The following ZNF319 variants were observed in gnomAD, a reference collection of about 807,000 sequenced individuals.
The protein encoded by ZNF319 is zinc finger protein 319.
ZNF319 carries 15 observed loss-of-function variants against 46.0 expected under a neutral mutation model. That is an observed-to-expected ratio of 0.33 (90% CI 0.22 to 0.50). The LOEUF (loss-of-function observed/expected upper bound fraction) is 0.50, where lower values mean the gene tolerates loss of function less well. Ranked by LOEUF, ZNF319 falls within the 20% of genes least tolerant of loss-of-function variation. The probability of loss-of-function intolerance (pLI) is 0.98; values close to 1 mark genes in which losing one functional copy is unlikely to be tolerated. For synonymous variants in ZNF319, 368 were observed against 364.0 expected, an observed-to-expected ratio of 1.01 and a Z score of -0.13; for missense variants, 635 against 807.0, an observed-to-expected ratio of 0.79 and a Z score of 2.58.
In ZNF319 at chr16:57,995,506, G is replaced by A. The variant is rs1962994899; in HGVS notation, c.*1011C>T. 1 of 152,858 alleles carries A rather than the reference G, an allele frequency of 6.5e-6. No individual in the cohort carries two copies. The highest frequency in any genetic ancestry group is 2.4e-5 in the African/African-American group (1 of 41,460). The allele number at this position is 152,858 out of a possible 1,614,324, so 9.5% of individuals were successfully genotyped here. On this transcript the variant is annotated 3_prime_UTR_variant, in exon 2 of 2. Coordinates refer to ENST00000299237, the MANE Select transcript of ZNF319 (RefSeq NM_020807.3). ...GGGTCCCCACCCTGGCCTAGTCTTGGCTCTGAAGCAGGACTGGGTTGAGCT... is the reference window on the plus strand; with the variant it reads ...GGGTCCCCACCCTGGCCTAGTCTTGACTCTGAAGCAGGACTGGGTTGAGCT...
chr16:57,997,673 G>T lies in ZNF319; in HGVS notation c.593C>A (p.Ala198Asp). ...APSTVTPAEQ[A>D]DKPYSCPICQ... Reference sequence around the variant, plus strand: ...GATGGGGCAGCTGTAGGGCTTGTCGGCCTGTTCAGCAGGGGTGACAGTGGA... The same window carrying T: ...GATGGGGCAGCTGTAGGGCTTGTCGTCCTGTTCAGCAGGGGTGACAGTGGA... The change falls in exon 2 of 2, where the codon GCC becomes GAC. Residue 198 changes from alanine (A) to aspartate (D), a missense_variant. Around this residue, in one of 3 missense-constraint regions of ZNF319, gnomAD observed 227 missense variants for 277.5 expected, o/e 0.82. Coordinates refer to ENST00000299237, the MANE Select transcript of ZNF319 (RefSeq NM_020807.3). The T allele has an allele frequency of 6.2e-7, 1 of 1,613,930 alleles. No homozygotes were observed.
rs751213346 is a variant in ZNF319 at position 57,997,062 on chromosome 16, G to A, written c.1204C>T (p.Pro402Ser). ...TGGTCAAAGCCTTTCTGGCACACGG[G>A]GCACTTGAAGAGAGTCTCGAGGGTG... ...VHTLETLFKC[P>S]VCQKGFDQSA... The change falls in exon 2 of 2, where the codon CCC (proline) becomes TCC (serine). Residue 402 changes from proline to serine, a missense_variant. Physicochemically the swap from Pro to Ser is moderately conservative, Grantham distance 74. Transcript: ENST00000299237. 1.9e-6 allele frequency: 3 copies of A among 1,613,468 alleles called. No homozygotes were observed. The highest frequency in any genetic ancestry group is 2.5e-6 in the Non-Finnish European group (3 of 1,179,910).
chr16:57,997,814 T>C lies in ZNF319; in HGVS notation c.452A>G (p.His151Arg), dbSNP rs2142281580. 1 of 1,612,758 alleles carries C rather than the reference T, an allele frequency of 6.2e-7. No individual in the cohort carries two copies. The highest frequency in any genetic ancestry group is 8.5e-7 in the Non-Finnish European group (1 of 1,180,036). Residue 151 changes from histidine to arginine, a missense_variant, in exon 2 of 2, where the codon CAC becomes CGC. Transcript: ENST00000299237. Reference protein sequence around the residue: ...FSLLTSLAQHHSSHSGLVKCS... With the variant: ...FSLLTSLAQHRSSHSGLVKCS... ...CTTCACCAGGCCACTGTGGGAGCTG[T>C]GGTGCTGTGCCAGTGAGGTGAGTAG...
At position 57,997,390 on chromosome 16, in the gene ZNF319, G is replaced by A. The variant is rs1284369223; in HGVS notation, c.876C>T (p.Cys292=). The change falls in exon 2 of 2, where the codon TGC becomes TGT. Residue 292 remains cysteine, a synonymous_variant. Transcript: ENST00000299237. ...GEHHLFRCNV[C]ELHFKESSEL... ...CCGACGACTCCTTGAAATGCAACTC[G>A]CACACGTTGCAGCGGAACAGGTGGT... The A allele has an allele frequency of 1.2e-6, 2 of 1,611,972 alleles. No homozygotes were observed. The highest frequency in any genetic ancestry group is 2.2e-5 in the South Asian group (2 of 91,054).
chr16:57,997,052 T>A lies in ZNF319; in HGVS notation c.1214A>T (p.Gln405Leu). ...CTCGGCAGATTGGTCAAAGCCTTTC[T>A]GGCACACGGGGCACTTGAAGAGAGT... The part of the protein sequence containing the change: ...LETLFKCPVC[Q>L]KGFDQSAELL... The change falls in exon 2 of 2, where the codon CAG (glutamine) becomes CTG (leucine). Residue 405 changes from glutamine (Q) to leucine (L), a missense_variant. By Grantham distance (113) the Gln-to-Leu change is moderately radical (BLOSUM62 -2). Around this residue, in one of 3 missense-constraint regions of ZNF319, gnomAD observed 270 missense variants for 281.4 expected, o/e 0.96. Transcript: ENST00000299237. The A allele has an allele frequency of 1.9e-6, 3 of 1,612,912 alleles. No individual in the cohort carries two copies. Among genetic ancestry groups the A allele is most frequent in the Non-Finnish European group, 2.5e-6 (3 of 1,179,824 alleles).
At position 57,996,897 on chromosome 16, in the gene ZNF319, G is replaced by C; in HGVS notation, c.1369C>G (p.Pro457Ala). ...QLAHCAAAEKPLRCTLCERRF... is the reference protein window; with the variant it reads ...QLAHCAAAEKALRCTLCERRF... ...CGTTCGCAAAGCGTGCAGCGCAGGG[G>C]CTTCTCTGCCGCCGCACAGTGGGCC... The change falls in exon 2 of 2, where the codon CCC becomes GCC. Residue 457 changes from proline (P) to alanine (A), a missense_variant. By Grantham distance (27) the Pro-to-Ala change is conservative. Coordinates refer to ENST00000299237, the MANE Select transcript of ZNF319 (RefSeq NM_020807.3). 1 of 1,601,948 alleles carries C rather than the reference G, an allele frequency of 6.2e-7. No individual in the cohort carries two copies. Among genetic ancestry groups the C allele is most frequent in the Non-Finnish European group, 8.5e-7 (1 of 1,178,940 alleles).
In ZNF319 at chr16:57,997,604, T is replaced by C. The variant is rs1467937833; in HGVS notation, c.662A>G (p.Glu221Gly). ...FKHLSELSRH[E>G]RIHTGEKPYK... is the part of the protein sequence containing the mutation. ...GGGCTTCTCACCGGTGTGGATCCGCTCATGCCGAGAGAGCTCCGACAGGTG... is the reference window on the plus strand; with the variant it reads ...GGGCTTCTCACCGGTGTGGATCCGCCCATGCCGAGAGAGCTCCGACAGGTG... The change falls in exon 2 of 2, where the codon GAG becomes GGG. Residue 221 changes from glutamate (E) to glycine (G), a missense_variant. Around this residue, in one of 3 missense-constraint regions of ZNF319, gnomAD observed 138 missense variants for 248.0 expected, o/e 0.56. Coordinates refer to ENST00000299237, the MANE Select transcript of ZNF319 (RefSeq NM_020807.3). 6.2e-7 allele frequency: 1 copy of C among 1,614,022 alleles called. No individual in the cohort carries two copies. Among genetic ancestry groups the C allele is most frequent in the South Asian group, 1.1e-5 (1 of 91,078 alleles).
chr16:57,998,071 G>A lies in ZNF319; in HGVS notation c.195C>T (p.His65=), dbSNP rs371023209. 6.2e-5 allele frequency: 99 copies of A among 1,609,164 alleles called. No individual in the cohort carries two copies. Among genetic ancestry groups the A allele is most frequent in the East Asian group, 3.6e-4 (16 of 44,874 alleles). The change falls in exon 2 of 2, where the codon CAC becomes CAT. Residue 65 remains histidine, a synonymous_variant. Transcript: ENST00000299237. ...GCTCTCCTGCTGCCTGCAGGGGTGC[G>A]TGTTGTGGGGGCTGCAGGCCGGGGT... ...QPDPGLQPPQ[H]APLQAAGEPG...
chr16:57,996,939 G>A lies in ZNF319; in HGVS notation c.1327C>T (p.Leu443=), dbSNP rs1394794330. ...CAGTGGGCCAGCTGGTGCTTCTGCA[G>A]GGCCGACGCGCGCTTGTAGGCCTTG... The part of the protein sequence containing the change: ...CNKAYKRASA[L]QKHQLAHCAA... Residue 443 remains leucine (L), a synonymous_variant, in exon 2 of 2, where the codon CTG becomes TTG. Coordinates refer to ENST00000299237, the MANE Select transcript of ZNF319 (RefSeq NM_020807.3). The A allele has an allele frequency of 4.4e-6, 7 of 1,601,382 alleles. No individual in the cohort carries two copies. In the South Asian group the frequency reaches 4.4e-5, roughly 10 times the overall value.
Position 57,996,313 on chromosome 16 carries a change from C to T in ZNF319, c.*204G>A. On this transcript the variant is annotated 3_prime_UTR_variant, in exon 2 of 2. Coordinates refer to ENST00000299237, the MANE Select transcript of ZNF319 (RefSeq NM_020807.3). ...AGGATGGGCCACAGCAATCTGGCCGCCCGCACTGCCCGCTGGTGCCAGGAG... is the reference window on the plus strand; with the variant it reads ...AGGATGGGCCACAGCAATCTGGCCGTCCGCACTGCCCGCTGGTGCCAGGAG... The T allele has an allele frequency of 1.9e-6, 2 of 1,071,336 alleles. No individual in the cohort carries two copies. The highest frequency in any genetic ancestry group is 1.3e-6 in the Non-Finnish European group (1 of 783,996). The allele number at this position is 1,071,336 out of a possible 1,614,324, so 66.4% of individuals were successfully genotyped here.
chr16:57,996,415 G>A lies in ZNF319; in HGVS notation c.*102C>T. The A allele has an allele frequency of 7.0e-7, 1 of 1,433,468 alleles. No homozygotes were observed. The highest frequency in any genetic ancestry group is 9.1e-7 in the Non-Finnish European group (1 of 1,098,234). 88.8% of individuals were successfully genotyped at this position (1,433,468 alleles called of 1,614,324 possible). On this transcript the variant is annotated 3_prime_UTR_variant, in exon 2 of 2. Coordinates refer to ENST00000299237, the MANE Select transcript of ZNF319 (RefSeq NM_020807.3). ...AGGTCTCAGAACACCGAGCTGGGTG[G>A]GGCCCTTGGTGCAAGGCAGCTGTGA...
chr16:57,997,482 C>G lies in ZNF319; in HGVS notation c.784G>C (p.Val262Leu). The G allele has an allele frequency of 6.2e-7, 1 of 1,610,552 alleles. No individual in the cohort carries two copies. The highest frequency in any genetic ancestry group is 8.5e-7 in the Non-Finnish European group (1 of 1,179,144). The change falls in exon 2 of 2, where the codon GTC (valine) becomes CTC (leucine). Residue 262 changes from valine to leucine, a missense_variant. This residue lies in a region of ZNF319 where 138 missense variants were observed against 248.0 expected (regional missense o/e 0.56). Transcript: ENST00000299237. The part of the protein sequence containing the change: ...HSSERPYKCA[V>L]CEKTFKHRSH... ...CGGTGCTTGAAGGTCTTCTCGCAGA[C>G]TGCGCACTTGTAGGGCCGCTCGGAG...
At position 58,000,098 on chromosome 16, in the gene ZNF319, T is replaced by C. The variant is rs1005134790; in HGVS notation, c.-863A>G. On this transcript the variant is annotated 5_prime_UTR_variant, in exon 1 of 2. Coordinates refer to ENST00000299237, the MANE Select transcript of ZNF319 (RefSeq NM_020807.3). The surrounding 1 kb of genome is among the most constrained non-coding windows in gnomAD (Gnocchi z 4.5). ...AGAAACCGAATGAAAGCCGATCACC[T>C]CCCGCCGGCCCTGCCTGCAGGCCCA... Among the ~76,000 whole-genome samples the C allele has an allele frequency of 2.6e-5, 4 of 151,846 alleles. No homozygotes were observed. Among genetic ancestry groups the C allele is most frequent in the African/African-American group, 9.7e-5 (4 of 41,310 alleles).
chr16:57,998,846 G>A (rs189222923), intron 1 of ZNF319, among the ~76,000 whole-genome samples: 8 of 152,192 alleles, frequency 5.3e-5, no homozygotes, highest in East Asian at 1.9e-4. Flanking sequence ...GTGAGAGTCC[G>A]GGGTTATCTG....
Position 57,996,601 on chromosome 16 carries a change from G to A in ZNF319, c.1665C>T (p.Ala555=). The A allele has an allele frequency of 6.2e-7, 1 of 1,605,934 alleles. No individual in the cohort carries two copies. The highest frequency in any genetic ancestry group is 2.2e-5 in the East Asian group (1 of 44,822). Residue 555 remains alanine, a synonymous_variant, in exon 2 of 2, where the codon GCC becomes GCT. Transcript: ENST00000299237. Reference sequence around the variant, plus strand: ...GCTGCGCGCTGTGCTCCTGCAACAAGGCCACGTCTAGGAAGCGCTCCCCGC... The same window carrying A: ...GCTGCGCGCTGTGCTCCTGCAACAAAGCCACGTCTAGGAAGCGCTCCCCGC... ...VWCGERFLDV[A]LLQEHSAQHS... is the part of the protein sequence containing the mutation.
Position 57,997,517 on chromosome 16 carries a change from C to T in ZNF319, c.749G>A (p.Arg250His), listed in dbSNP as rs769724117. The T allele has an allele frequency of 6.8e-6, 11 of 1,613,642 alleles. No individual in the cohort carries two copies. The highest frequency in any genetic ancestry group is 3.3e-5 in the South Asian group (3 of 91,092). ...GTAGGGCCGCTCGGAGCTGTGCGTGCGCTTGTGGTGCACCAGGTGCGACGA... is the reference window on the plus strand; with the variant it reads ...GTAGGGCCGCTCGGAGCTGTGCGTGTGCTTGTGGTGCACCAGGTGCGACGA... ...SQSSHLVHHK[R>H]THSSERPYKC... The change falls in exon 2 of 2, where the codon CGC becomes CAC. Residue 250 changes from arginine to histidine, a missense_variant. By Grantham distance (29) the Arg-to-His change is conservative. Coordinates refer to ENST00000299237, the MANE Select transcript of ZNF319 (RefSeq NM_020807.3).
rs1017554696 is a variant in ZNF319, at chr16:57,996,261, T to C, written c.*256A>G. On this transcript the variant is annotated 3_prime_UTR_variant, in exon 2 of 2. Coordinates refer to ENST00000299237, the MANE Select transcript of ZNF319 (RefSeq NM_020807.3). ...TGATGGCTCTCAAGAAAGTGAATCTTGTCATGGGAAAGAGGTTTGTGGAAT... is the reference window on the plus strand; with the variant it reads ...TGATGGCTCTCAAGAAAGTGAATCTCGTCATGGGAAAGAGGTTTGTGGAAT... The C allele has an allele frequency of 1.8e-6, 1 of 562,002 alleles. No individual in the cohort carries two copies. Among genetic ancestry groups the C allele is most frequent in the South Asian group, 4.2e-5 (1 of 23,902 alleles). The allele number at this position is 562,002 out of a possible 1,614,324, so 34.8% of individuals were successfully genotyped here.
intron 1 of ZNF319, 24 bp from the exon 2 acceptor site, chr16:57,998,546 A>T (rs1216665632): frequency 1.6e-5 from 6 of 382,090 alleles, no homozygotes; most frequent in Non-Finnish European, 9.8e-6. Context: ...AGAAAGTATG[A>T]GCTCGAGGAA....
Position 57,997,738 on chromosome 16 carries a change from GGCTGGCTCC to G in ZNF319, c.519_527del (p.Glu174_Ala176del). The G allele has an allele frequency of 6.2e-7, 1 of 1,613,520 alleles. No individual in the cohort carries two copies. The highest frequency in any genetic ancestry group is 1.1e-5 in the South Asian group (1 of 91,090). On this transcript the variant is annotated inframe_deletion, in exon 2 of 2. Coordinates refer to ENST00000299237, the MANE Select transcript of ZNF319 (RefSeq NM_020807.3). ...CGGGAAGCGACGGGGCGGCTGTGGTGGCTGGCTCCGCTGCCTCAGCTGGCTTGTAGGTCT... is the reference window on the plus strand; with the variant it reads ...CGGGAAGCGACGGGGCGGCTGTGGTGGCTGCCTCAGCTGGCTTGTAGGTCT...
Sources: gnomAD v4.1 joint callset for allele counts (sites outside exome capture counted in the v4.1 genomes callset) on GRCh38, gnomAD v4.1.1 for gene constraint, gnomAD v4.1.1 regional missense constraint, Gnocchi (gnomAD v3.1) non-coding constraint, MANE v1.5 for transcripts, NCBI Gene and HGNC (gene_info 2026-07-23, HGNC 2026-07-21) for gene names.